The following CHN1 variants were observed in gnomAD, a reference collection of about 807,000 sequenced individuals.
CHN1 encodes the protein N-chimaerin.
A neutral mutation model predicts 59.5 loss-of-function variants in CHN1; 37 were observed. The ratio of observed to expected loss-of-function variants is 0.62; its 90% CI spans 0.48 to 0.82. The LOEUF is 0.82. Ranked by LOEUF, CHN1 falls within the 40% of genes least tolerant of loss-of-function variation. The pLI, the probability that CHN1 is intolerant of heterozygous loss-of-function variation, is 0.00. For missense variants in CHN1, 469 were observed against 571.0 expected (o/e 0.82, Z 1.82); for synonymous variants, 206 against 200.4 (o/e 1.03, Z -0.24).
At chr2:174,854,082 G>T (rs993640602) in intron 6 of CHN1, among the ~76,000 whole-genome samples, 1 of 152,062 alleles carries the variant, frequency 6.6e-6, no homozygotes, top group Non-Finnish European at 1.5e-5. Context: ...AAATAAAAAT[G>T]TAAAGTACTA....
intron 7 of CHN1, among the ~76,000 whole-genome samples, chr2:174,835,256 T>C (rs1326174408): frequency 6.6e-6 from 1 of 152,210 alleles, no homozygotes; most frequent in Non-Finnish European, 1.5e-5. Context: ...CGGTATCACT[T>C]TACAGTGAAA....
chr2:174,839,967 C>A (rs1686230373), intron 7 of CHN1, among the ~76,000 whole-genome samples: 1 of 150,802 alleles, frequency 6.6e-6, no homozygotes, highest in Non-Finnish European at 1.5e-5. Context: ...AAAAAAAAAT[C>A]TCTCTCCAAA....
intron 4 of CHN1, among the ~76,000 whole-genome samples, chr2:174,917,949 GA>G (rs1014214502): frequency 6.6e-6 from 1 of 151,922 alleles, no homozygotes; most frequent in African/African-American, 2.4e-5. Context: ...TCACAAAACA[GA>G]AAAATGCTCA....
chr2:174,838,519 A>C (rs542067536), intron 7 of CHN1, among the ~76,000 whole-genome samples: 1 of 152,332 alleles, frequency 6.6e-6, no homozygotes, highest in Admixed American at 6.5e-5. Context: ...ATGAAATATT[A>C]CATATGGTAT....
intron 5 of CHN1, among the ~76,000 whole-genome samples, chr2:174,887,268 G>A (rs1431427147): frequency 6.6e-6 from 1 of 151,912 alleles, no homozygotes; most frequent in Non-Finnish European, 1.5e-5. Flanking sequence ...GAAGATATTA[G>A]GCATCAGATA....
At chr2:174,903,472 A>T (rs1009215172) in intron 5 of CHN1, among the ~76,000 whole-genome samples, 6 of 152,200 alleles carry the variant, frequency 3.9e-5, no homozygotes, top group African/African-American at 1.4e-4. Flanking sequence ...TTTATGCATG[A>T]CCAGTTTCTG....
chr2:174,980,942 T>C (rs1327840832), intron 1 of CHN1, among the ~76,000 whole-genome samples: 4 of 152,166 alleles, frequency 2.6e-5, no homozygotes, highest in Non-Finnish European at 4.4e-5. Context: ...CAAGCTAATT[T>C]GCAAATTTAA....
chr2:174,987,383 T>C (rs1452770763), intron 1 of CHN1, among the ~76,000 whole-genome samples: 2 of 151,646 alleles, frequency 1.3e-5, no homozygotes, highest in Non-Finnish European at 1.5e-5. Flanking sequence ...TATTACGGCC[T>C]CTTGGTCATA....
At chr2:174,875,920 TAAG>T in intron 6 of CHN1, 2 of 636,250 alleles carry the variant, frequency 3.1e-6, no homozygotes, top group Non-Finnish European at 3.9e-6. Context: ...CAGCTAGATT[TAAG>T]ATGCATGCGG....
intron 1 of CHN1, among the ~76,000 whole-genome samples, chr2:174,976,382 C>T (rs183001582): frequency 1.3e-5 from 2 of 151,880 alleles, no homozygotes; most frequent in Admixed American, 6.6e-5. Flanking sequence ...GGATCACAGA[C>T]GCCCACCACC....
chr2:174,931,126 T>C (rs1008297181), intron 3 of CHN1, among the ~76,000 whole-genome samples: 3 of 123,044 alleles, frequency 2.4e-5, no homozygotes, highest in African/African-American at 1.0e-4. Flanking sequence ...TCAAAAGAAA[T>C]ATATGGCAAA....
At chr2:174,979,817 G>T (rs546503890) in intron 1 of CHN1, among the ~76,000 whole-genome samples, 1 of 152,144 alleles carries the variant, frequency 6.6e-6, no homozygotes, top group African/African-American at 2.4e-5. Flanking sequence ...GGAGGTAGAG[G>T]TTGCAGTGAG....
chr2:174,899,774 A>C (rs1688330441), intron 5 of CHN1, among the ~76,000 whole-genome samples: 1 of 152,236 alleles, frequency 6.6e-6, no homozygotes, highest in South Asian at 2.1e-4. Context: ...TAAGATGTTA[A>C]GAATAATTCC....
At chr2:174,972,705 G>A (rs1433016531) in intron 1 of CHN1, among the ~76,000 whole-genome samples, 1 of 152,122 alleles carries the variant, frequency 6.6e-6, no homozygotes, top group Non-Finnish European at 1.5e-5. Context: ...AGGGAGGGTG[G>A]CCATAAAGTC....
intron 7 of CHN1, among the ~76,000 whole-genome samples, chr2:174,841,265 C>A (rs944016057): frequency 1.3e-5 from 2 of 152,100 alleles, no homozygotes; most frequent in Non-Finnish European, 2.9e-5. Flanking sequence ...GCATGACAAA[C>A]CATAAGGCCA....
At chr2:174,809,144 A>G (rs1331649602) in intron 10 of CHN1, 102 bp from the exon 11 acceptor site, 3 of 1,086,606 alleles carry the variant, frequency 2.8e-6, no homozygotes, top group Admixed American at 6.0e-5. Flanking sequence ...AAGATTAGCA[A>G]TTCTTCAGTT....
In CHN1 at chr2:174,887,474, C is replaced by G. The variant is rs186309918; in HGVS notation, c.261-9346G>C. Among the ~76,000 whole-genome samples, 137 of 152,200 alleles carry G rather than the reference C, an allele frequency of 9.0e-4. 1 individual carries two copies. Among genetic ancestry groups the G allele is most frequent in the Non-Finnish European group, 1.6e-3 (106 of 68,002 alleles). On this transcript the variant is annotated intron_variant, in intron 5 of 12. Transcript: ENST00000409900. ...GTATGTATTAACTCAAATAATCCCT[C>G]CAGTGTCTCTAGGAGGTATTACTAT...
chr2:174,896,658 C>G (rs1688225815), intron 5 of CHN1, among the ~76,000 whole-genome samples: 1 of 152,142 alleles, frequency 6.6e-6, no homozygotes, highest in Non-Finnish European at 1.5e-5. Context: ...CAGCACTACA[C>G]AGAAGCCCAC....
At chr2:174,913,848 T>C (rs952188571) in intron 5 of CHN1, among the ~76,000 whole-genome samples, 1 of 152,248 alleles carries the variant, frequency 6.6e-6, no homozygotes, top group Non-Finnish European at 1.5e-5. Flanking sequence ...CAACTTTCTA[T>C]CCTCTATTTG....
Sources: allele counts gnomAD v4.1 joint callset (sites outside exome capture counted in the v4.1 genomes callset), GRCh38; gene constraint gnomAD v4.1.1; transcripts MANE v1.5; gene names NCBI Gene and HGNC (gene_info 2026-07-23, HGNC 2026-07-21).